The following SLC38A8 variants were observed in gnomAD, a reference collection of about 807,000 sequenced individuals.
SLC38A8 encodes the protein solute carrier family 38 member 8.
A neutral mutation model predicts 46.0 loss-of-function variants in SLC38A8; 65 were observed. The ratio of observed to expected loss-of-function variants is 1.41; its 90% CI spans 1.16 to 1.74. SLC38A8 has a LOEUF of 1.74. SLC38A8 is among the 40% of genes most tolerant of loss of function. SLC38A8 has a pLI of 0.00. For missense variants in SLC38A8, 998 were observed against 567.9 expected, an observed-to-expected ratio of 1.76 and a Z score of -7.70; for synonymous variants, 447 against 243.7, an observed-to-expected ratio of 1.83 and a Z score of -7.77.
chr16:84,040,872 G>A (rs577669586), intron 2 of SLC38A8, among the ~76,000 whole-genome samples: 99 of 152,292 alleles, frequency 6.5e-4, no homozygotes, highest in Non-Finnish European at 1.2e-3. Context: ...ATGAGGACAG[G>A]GACCACACTG....
At chr16:84,028,881 C>A (rs555047539) in intron 6 of SLC38A8, among the ~76,000 whole-genome samples, 3 of 152,306 alleles carry the variant, frequency 2.0e-5, no homozygotes, top group Admixed American at 2.0e-4. Context: ...CCCTTTCAAA[C>A]CCCACCACCT....
chr16:84,017,273 G>C lies in SLC38A8; in HGVS notation c.820C>G (p.Leu274Val). ...GCAGAAACTTCTGTCCCAAAAGTCA[G>C]GAAGCCATAAACCCCTGAAGGTGGG... ...IYSLTGVYGFLTFGTEVSADV... is the reference protein window; with the variant it reads ...IYSLTGVYGFVTFGTEVSADV... The change falls in exon 8 of 11, where the codon CTG becomes GTG. Residue 274 changes from leucine (L) to valine (V), a missense_variant. Physicochemically the swap from Leu to Val is conservative, Grantham distance 32. Transcript: ENST00000299709. 3 of 1,614,076 alleles carry C rather than the reference G, an allele frequency of 1.9e-6. No homozygotes were observed. The highest frequency in any genetic ancestry group is 2.5e-6 in the Non-Finnish European group (3 of 1,180,034).
At chr16:84,018,325 T>C (rs2326103) in intron 7 of SLC38A8, among the ~76,000 whole-genome samples, 108,618 of 149,246 alleles carry the variant, frequency 0.73, 40,604 homozygotes, top group African/African-American at 0.9. Flanking sequence ...CTCCGCCTCC[T>C]GGGTTCACGC....
intron 6 of SLC38A8, among the ~76,000 whole-genome samples, chr16:84,025,512 C>T (rs1353277073): frequency 5.3e-5 from 8 of 152,180 alleles, no homozygotes; most frequent in East Asian, 1.9e-4. Flanking sequence ...CTCAACCACA[C>T]GACAACAACG....
upstream of SLC38A8, among the ~76,000 whole-genome samples, chr16:84,043,320 A>C (rs979397523): frequency 1.2e-4 from 18 of 152,316 alleles, no homozygotes; most frequent in African/African-American, 4.3e-4. Context: ...AAATGCTGGC[A>C]CATGCAGCTC....
intron 2 of SLC38A8, among the ~76,000 whole-genome samples, chr16:84,041,553 T>C (rs2085367340): frequency 6.6e-6 from 1 of 152,182 alleles, no homozygotes; most frequent in African/African-American, 2.4e-5. Context: ...CCTCAGGTGA[T>C]CCGTCCACCT....
At chr16:84,035,980 G>C (rs2085295620) in intron 3 of SLC38A8, among the ~76,000 whole-genome samples, 1 of 152,212 alleles carries the variant, frequency 6.6e-6, no homozygotes, top group Non-Finnish European at 1.5e-5. Flanking sequence ...AGCAACTGCA[G>C]AGTACACATT....
At chr16:84,030,596 T>C (rs1375496064) in intron 5 of SLC38A8, among the ~76,000 whole-genome samples, 2 of 152,132 alleles carry the variant, frequency 1.3e-5, no homozygotes, top group Admixed American at 6.5e-5. Context: ...GGACCCGCCC[T>C]GCTCAGTCCT....
At chr16:84,015,712 T>C (rs1378072197) in intron 9 of SLC38A8, among the ~76,000 whole-genome samples, 1 of 152,086 alleles carries the variant, frequency 6.6e-6, no homozygotes, top group East Asian at 1.9e-4. Context: ...AGGTAATGGT[T>C]TGTTTTGTTT....
At chr16:84,011,873 G>A (rs1426928913) in intron 10 of SLC38A8, among the ~76,000 whole-genome samples, 2 of 152,156 alleles carry the variant, frequency 1.3e-5, no homozygotes, top group African/African-American at 4.8e-5. Flanking sequence ...AACAGAGCAA[G>A]ACTCTGTCTC....
chr16:84,036,779 CACA>C lies in SLC38A8; in HGVS notation c.308_310del (p.Leu103_Cys104delinsArg). The C allele has an allele frequency of 6.2e-7, 1 of 1,614,222 alleles. No homozygotes were observed. The highest frequency in any genetic ancestry group is 8.5e-7 in the Non-Finnish European group (1 of 1,180,040). On this transcript the variant is annotated inframe_deletion, in exon 3 of 11. Coordinates refer to ENST00000299709, the MANE Select transcript of SLC38A8 (RefSeq NM_001080442.3). ...CAGGTTGAGGAGGAAGCAGGCCTCA[CACA>C]GCTTCCCAATGGCAGGGCCACACAG...
At chr16:84,016,776 C>T (rs776549375) in intron 8 of SLC38A8, 49 bp from the exon 9 acceptor site, 35 of 1,573,638 alleles carry the variant, frequency 2.2e-5, no homozygotes, top group African/African-American at 5.4e-5. Context: ...GGGGCACCAG[C>T]CTCCACCCGA....
intron 9 of SLC38A8, among the ~76,000 whole-genome samples, chr16:84,014,266 C>T (rs1205187683): frequency 6.6e-6 from 1 of 151,218 alleles, no homozygotes; most frequent in Non-Finnish European, 1.5e-5. Flanking sequence ...AGCCACAAGG[C>T]CACACCCCTC....
At chr16:84,031,800 T>TC in intron 5 of SLC38A8, 67 bp downstream of exon 5, 1 of 1,337,750 alleles carries the variant, frequency 7.5e-7, no homozygotes, top group South Asian at 1.2e-5. Flanking sequence ...CCTCCAAGAC[T>TC]CCCCTCACAG....
chr16:84,010,162 C>G (rs2084937668), intron 10 of SLC38A8, among the ~76,000 whole-genome samples: 4 of 150,504 alleles, frequency 2.7e-5, no homozygotes, highest in Admixed American at 2.6e-4. Context: ...CCTCCACCTC[C>G]CGGGTTCAAG....
intron 7 of SLC38A8, among the ~76,000 whole-genome samples, chr16:84,019,997 A>C (rs2085076660): frequency 6.6e-6 from 1 of 152,246 alleles, no homozygotes; most frequent in African/African-American, 2.4e-5. Context: ...TGATGCCTGA[A>C]GTTCTCGCAG....
chr16:84,014,696 T>C (rs927534401), intron 9 of SLC38A8, among the ~76,000 whole-genome samples: 3 of 152,222 alleles, frequency 2.0e-5, no homozygotes, highest in African/African-American at 7.2e-5. Context: ...TATCTCTTAA[T>C]CCCAGTAGAC....
At chr16:84,037,348 C>A (rs2085312161) in intron 2 of SLC38A8, among the ~76,000 whole-genome samples, 1 of 152,214 alleles carries the variant, frequency 6.6e-6, no homozygotes, top group African/African-American at 2.4e-5. Context: ...AGGATGGCAA[C>A]CTCTGCTTTT....
intron 7 of SLC38A8, among the ~76,000 whole-genome samples, chr16:84,022,383 A>G (rs1260769254): frequency 6.6e-6 from 1 of 152,194 alleles, no homozygotes; most frequent in Admixed American, 6.5e-5. Context: ...TGAGCACCTG[A>G]GTCCACTGCA....
Sources: allele counts gnomAD v4.1 joint callset (sites outside exome capture counted in the v4.1 genomes callset), GRCh38; gene constraint gnomAD v4.1.1; transcripts MANE v1.5; gene names NCBI Gene and HGNC (gene_info 2026-07-23, HGNC 2026-07-21).